Variants in IRAK2 observed in about 807,000 individuals in gnomAD.
IRAK2 encodes the protein interleukin 1 receptor associated kinase 2.
Under a neutral mutation model 72.0 loss-of-function variants are expected in IRAK2, and 57 were observed. The ratio of observed to expected loss-of-function variants is 0.79; its 90% CI spans 0.64 to 0.99. The LOEUF is 0.99. Ranked by LOEUF, IRAK2 falls within the 50% of genes least tolerant of loss-of-function variation. The pLI is 0.00. For synonymous variants in IRAK2, 293 were observed against 312.7 expected (o/e 0.94, Z 0.67); for missense variants, 790 against 794.4 (o/e 0.99, Z 0.07).
At chr3:10,189,223 G>T (rs577933279) in intron 2 of IRAK2, among the ~76,000 whole-genome samples, 3 of 152,182 alleles carry the variant, frequency 2.0e-5, no homozygotes, top group African/African-American at 7.2e-5. Context: ...AGTGAAACTT[G>T]AGCCTCCTCC....
At chr3:10,241,458 C>T (rs1698059850) in intron 12 of IRAK2, among the ~76,000 whole-genome samples, 1 of 150,686 alleles carries the variant, frequency 6.6e-6, no homozygotes, top group African/African-American at 2.4e-5. Flanking sequence ...ACTCAGGAGG[C>T]TAAGTCAGGA....
chr3:10,234,739 C>G, intron 11 of IRAK2, 80 bp downstream of exon 11: 2 of 1,243,302 alleles, frequency 1.6e-6, no homozygotes, highest in Non-Finnish European at 1.1e-6. Context: ...TCGCAGAGGC[C>G]TGGTGCACAA....
chr3:10,191,696 G>A (rs1260575054), intron 2 of IRAK2, among the ~76,000 whole-genome samples: 1 of 152,016 alleles, frequency 6.6e-6, no homozygotes, highest in Non-Finnish European at 1.5e-5. Flanking sequence ...CTGCATATGT[G>A]GCCCCTTCTC....
At chr3:10,239,499 ACCCT>A (rs60082969) in intron 12 of IRAK2, among the ~76,000 whole-genome samples, 77,143 of 151,814 alleles carry the variant, frequency 0.51, 19,745 homozygotes, top group Admixed American at 0.55. Flanking sequence ...ACCTGAGGTC[ACCCT>A]GGCCAGATCA....
chr3:10,165,074 G>A lies in IRAK2; in HGVS notation c.94+26G>A, dbSNP rs546602804. 28 of 1,583,676 alleles carry A rather than the reference G, an allele frequency of 1.8e-5. No individual in the cohort carries two copies. The African/African-American group carries it at 2.7e-4, about 15-fold the overall frequency. ...GTGAGTGCGGCCCGGGGAGGGGAGG[G>A]GACCAGGGCGACCGGAGCCCCCAGC... On this transcript the variant is annotated intron_variant, in intron 1 of 12. Coordinates refer to ENST00000256458, the MANE Select transcript of IRAK2 (RefSeq NM_001570.4).
chr3:10,216,644 T>A (rs1697608831), intron 6 of IRAK2, among the ~76,000 whole-genome samples: 1 of 152,290 alleles, frequency 6.6e-6, no homozygotes, highest in East Asian at 1.9e-4. Flanking sequence ...TTCTAGTTTG[T>A]GACCTTGGGC....
chr3:10,239,010 C>G lies in IRAK2; in HGVS notation c.1736C>G (p.Ala579Gly). The G allele has an allele frequency of 6.2e-7, 1 of 1,609,126 alleles. No homozygotes were observed. Among genetic ancestry groups the G allele is most frequent in the South Asian group, 1.1e-5 (1 of 90,954 alleles). Residue 579 changes from alanine to glycine, a missense_variant, in exon 12 of 13, where the codon GCC becomes GGC. Physicochemically the swap from Ala to Gly is moderately conservative, Grantham distance 60. Transcript: ENST00000256458. Reference protein sequence around the residue: ...VGREADSSSEACVGLEPPQDV... With the variant: ...VGREADSSSEGCVGLEPPQDV... Reference sequence around the variant, plus strand: ...AGGGAGGCTGACTCCTCCTCTGAGGCCTGTGTTGGCCTGGAGCCTCCCCAG... The same window carrying G: ...AGGGAGGCTGACTCCTCCTCTGAGGGCTGTGTTGGCCTGGAGCCTCCCCAG...
At chr3:10,191,732 TG>T (rs1697178720) in intron 2 of IRAK2, among the ~76,000 whole-genome samples, 1 of 152,194 alleles carries the variant, frequency 6.6e-6, no homozygotes, top group East Asian at 1.9e-4. Context: ...GGCCAGCCTA[TG>T]GAAGTAGGTC....
At chr3:10,201,392 C>T (rs998342680) in intron 3 of IRAK2, among the ~76,000 whole-genome samples, 3 of 152,238 alleles carry the variant, frequency 2.0e-5, no homozygotes, top group Non-Finnish European at 2.9e-5. Flanking sequence ...CCATAGGCCC[C>T]GGCCCTCGCA....
intron 2 of IRAK2, among the ~76,000 whole-genome samples, chr3:10,197,667 A>T (rs1246525889): frequency 6.6e-6 from 1 of 150,908 alleles, no homozygotes; most frequent in Non-Finnish European, 1.5e-5. Flanking sequence ...CCTGGCTAAC[A>T]CGCTGAAACC....
chr3:10,234,860 C>T (rs1011394458), intron 11 of IRAK2, among the ~76,000 whole-genome samples: 2 of 152,180 alleles, frequency 1.3e-5, no homozygotes, highest in Non-Finnish European at 2.9e-5. Context: ...TGCAGGGCCT[C>T]AGGGCGCAGG....
At chr3:10,203,259 A>C (rs576708014) in intron 3 of IRAK2, among the ~76,000 whole-genome samples, 1 of 152,264 alleles carries the variant, frequency 6.6e-6, no homozygotes, top group African/African-American at 2.4e-5. Flanking sequence ...GGCCTCCCAA[A>C]GTGCTGGGAT....
intron 2 of IRAK2, among the ~76,000 whole-genome samples, chr3:10,188,358 G>A (rs1443191661): frequency 6.6e-6 from 1 of 152,150 alleles, no homozygotes; most frequent in Admixed American, 6.5e-5. Context: ...TTTTTGAGAT[G>A]GAGTCTCACG....
At chr3:10,209,438 G>A (rs1184022290) in intron 3 of IRAK2, 151 bp from the exon 4 acceptor site, 2 of 498,058 alleles carry the variant, frequency 4.0e-6, no homozygotes, top group East Asian at 6.3e-5. Flanking sequence ...CTTGAGGAGT[G>A]TGTTGGTTGG....
Position 10,238,808 on chromosome 3 carries a change from T to C in IRAK2, c.1534T>C (p.Trp512Arg), listed in dbSNP as rs1228881193. 1.2e-6 allele frequency: 2 copies of C among 1,614,132 alleles called. No individual in the cohort carries two copies. Among genetic ancestry groups the C allele is most frequent in the Admixed American group, 3.3e-5 (2 of 60,024 alleles). Residue 512 changes from tryptophan (W) to arginine (R), a missense_variant, in exon 12 of 13, where the codon TGG becomes CGG. Trp to Arg is a moderately radical substitution (Grantham distance 101). Transcript: ENST00000256458. ...RLRGRETLLPWSGLSEGTGSS... is the reference protein window; with the variant it reads ...RLRGRETLLPRSGLSEGTGSS... ...CCGAGGTCGGGAGACGTTGCTCCCT[T>C]GGAGTGGGCTTTCTGAGGGTACAGG... is the stretch of plus-strand genomic sequence containing the variant.
intron 4 of IRAK2, among the ~76,000 whole-genome samples, chr3:10,211,675 A>G (rs1697524162): frequency 6.6e-6 from 1 of 152,164 alleles, no homozygotes; most frequent in East Asian, 1.9e-4. Flanking sequence ...AATAAATCCT[A>G]GTATATCTAA....
chr3:10,240,633 T>C (rs1698043179), intron 12 of IRAK2, among the ~76,000 whole-genome samples: 1 of 138,454 alleles, frequency 7.2e-6, no homozygotes, highest in Admixed American at 7.5e-5. Context: ...GATCTTGGCT[T>C]ATGGCAGCCT....
In IRAK2 at chr3:10,222,851, C is replaced by T. The variant is rs142551482; in HGVS notation, c.1209+20C>T. The T allele has an allele frequency of 4.2e-3, 6,694 of 1,607,382 alleles. 24 individuals are homozygous for T. Among genetic ancestry groups the T allele is most frequent in the Non-Finnish European group, 5.0e-3 (5,877 of 1,174,080 alleles). On this transcript the variant is annotated intron_variant, in intron 9 of 12. Coordinates refer to ENST00000256458, the MANE Select transcript of IRAK2 (RefSeq NM_001570.4). ...GGAATAGTAAGAGTGTCCTGCTCTG[C>T]GTAGAGTGGGGCCCACCTTGATTTG...
chr3:10,184,901 T>TA (rs1366305082), intron 2 of IRAK2, among the ~76,000 whole-genome samples: 13 of 132,416 alleles, frequency 9.8e-5, no homozygotes, highest in African/African-American at 4.1e-4. Context: ...GGCTATTTTT[T>TA]TATTTTTTTT....
Sources: allele counts gnomAD v4.1 joint callset (sites outside exome capture counted in the v4.1 genomes callset), GRCh38; gene constraint gnomAD v4.1.1; transcripts MANE v1.5; gene names NCBI Gene and HGNC (gene_info 2026-07-23, HGNC 2026-07-21).